DOK7: variants seen among roughly 807,000 people sequenced by gnomAD.
The protein encoded by DOK7 is protein Dok-7.
DOK7 carries 32 observed loss-of-function variants against 30.7 expected under a neutral mutation model. The observed-to-expected ratio is 1.04, with a 90% CI of 0.79 to 1.40. The LOEUF (loss-of-function observed/expected upper bound fraction) is 1.40. Ranked by LOEUF, DOK7 falls within the 40% of genes most tolerant of loss-of-function variation. The pLI is 0.00. For missense variants in DOK7, 1,007 were observed against 699.2 expected (o/e 1.44, Z -4.97); for synonymous variants, 447 against 324.1 (o/e 1.38, Z -4.07).
At chr4:3,485,173 G>A (rs1020043909) in intron 4 of DOK7, among the ~76,000 whole-genome samples, 2 of 152,198 alleles carry the variant, frequency 1.3e-5, no homozygotes, top group Non-Finnish European at 2.9e-5. Context: ...ATGTGGGCGG[G>A]GGCACCCATC....
exon 8 of DOK7, chr4:3,500,707 T>C (rs1232000528): frequency 1.3e-6 from 2 of 1,535,596 alleles, no homozygotes; most frequent in Non-Finnish European, 1.7e-6. Flanking sequence ...GGCGCCTCCC[T>C]CTACGCCCAG....
chr4:3,483,459 A>G (rs568387008), intron 4 of DOK7, among the ~76,000 whole-genome samples: 5 of 152,220 alleles, frequency 3.3e-5, no homozygotes, highest in African/African-American at 9.6e-5. Flanking sequence ...ATCTTCCTCC[A>G]GGGCCACTGA....
chr4:3,485,391 C>A (rs966909191), intron 4 of DOK7, 148 bp from the exon 5 acceptor site: 2 of 1,105,518 alleles, frequency 1.8e-6, no homozygotes, highest in Admixed American at 3.5e-5. Context: ...GGCGGGGTGT[C>A]GGCTCTGGGC....
At chr4:3,480,047 C>G (rs534868040) in intron 4 of DOK7, among the ~76,000 whole-genome samples, 46 of 152,340 alleles carry the variant, frequency 3.0e-4, no homozygotes, top group African/African-American at 1.0e-3. Flanking sequence ...GGCCACTCGC[C>G]CTGGGACAGG....
At chr4:3,489,834 C>A in intron 6 of DOK7, 38 bp downstream of exon 6, 1 of 1,558,122 alleles carries the variant, frequency 6.4e-7, no homozygotes, top group Non-Finnish European at 8.7e-7. Context: ...GGGACCTCGG[C>A]TAAGCCTCCA....
chr4:3,496,387 G>A (rs183647630), downstream of DOK7, among the ~76,000 whole-genome samples: 16 of 152,380 alleles, frequency 1.1e-4, no homozygotes, highest in South Asian at 2.1e-3. Flanking sequence ...CCTCAAGGAC[G>A]GGAAAGGAAA....
intron 4 of DOK7, among the ~76,000 whole-genome samples, chr4:3,481,066 C>T (rs1039941673): frequency 2.6e-5 from 4 of 151,604 alleles, no homozygotes; most frequent in African/African-American, 4.9e-5. Context: ...ATGGGTGTCC[C>T]GAAGGGCTGT....
Position 3,493,024 on chromosome 4 carries a change from C to G in DOK7, c.1038C>G (p.Ser346=). Residue 346 remains serine (S), a synonymous_variant, in exon 7 of 7, where the codon TCC becomes TCG. Transcript: ENST00000340083. ...GCGGCATCGCCACTGGCAGCCACTCCTCTTACTCCAGCAGCCTCTCGTCCT... is the reference window on the plus strand; with the variant it reads ...GCGGCATCGCCACTGGCAGCCACTCGTCTTACTCCAGCAGCCTCTCGTCCT... ...SDSGIATGSH[S]SYSSSLSSYA... 6.4e-7 allele frequency: 1 copy of G among 1,569,868 alleles called. No individual in the cohort carries two copies. The highest frequency in any genetic ancestry group is 8.6e-7 in the Non-Finnish European group (1 of 1,162,624).
chr4:3,494,611 C>T (rs1262882376), downstream of DOK7: 2 of 827,152 alleles, frequency 2.4e-6, no homozygotes, highest in Non-Finnish European at 2.9e-6. Context: ...TGCGAGAGGC[C>T]TCATCTGTCT....
intron 2 of DOK7, among the ~76,000 whole-genome samples, chr4:3,467,449 A>ATCC (rs1726361897): frequency 1.3e-5 from 1 of 78,280 alleles, no homozygotes; most frequent in Non-Finnish European, 2.7e-5. Context: ...TCCAGGGAAG[A>ATCC]CCCCCCCCCC....
intron 4 of DOK7, among the ~76,000 whole-genome samples, chr4:3,478,041 C>T (rs1177474301): frequency 6.6e-6 from 1 of 152,136 alleles, no homozygotes; most frequent in Non-Finnish European, 1.5e-5. Flanking sequence ...TGTAGTTGTC[C>T]TGACACAGGC....
chr4:3,488,782 G>T (rs1425175039), intron 5 of DOK7, among the ~76,000 whole-genome samples: 3 of 151,284 alleles, frequency 2.0e-5, no homozygotes, highest in Non-Finnish European at 4.4e-5. Context: ...GCTCTTGCGG[G>T]TGTGGCTGTG....
chr4:3,490,486 A>G (rs555525433), intron 6 of DOK7, among the ~76,000 whole-genome samples: 32 of 100,678 alleles, frequency 3.2e-4, no homozygotes, highest in African/African-American at 8.6e-4. Flanking sequence ...CTGCTCATTC[A>G]TTCCTTCCTT....
At chr4:3,486,675 GTGTCTTCCTGCC>G (rs1305504101) in intron 5 of DOK7, among the ~76,000 whole-genome samples, 1 of 82,744 alleles carries the variant, frequency 1.2e-5, no homozygotes, top group Non-Finnish European at 2.5e-5. Context: ...ACCCCTGTAG[GTGTCTTCCTGCC>G]TAGTGGATGC....
chr4:3,485,456 C>T (rs1037864546), intron 4 of DOK7, 83 bp from the exon 5 acceptor site: 3 of 1,396,404 alleles, frequency 2.1e-6, no homozygotes, highest in Non-Finnish European at 9.4e-7. Context: ...GTGGAGTTTG[C>T]TGCGGTTTCC....
At chr4:3,485,054 G>A (rs1354340629) in intron 4 of DOK7, among the ~76,000 whole-genome samples, 2 of 152,180 alleles carry the variant, frequency 1.3e-5, no homozygotes, top group African/African-American at 2.4e-5. Context: ...GACGGCTGTG[G>A]GGGCAGGGTC....
At chr4:3,468,698 CTGTG>C (rs1415831245) in intron 2 of DOK7, among the ~76,000 whole-genome samples, 4 of 118,442 alleles carry the variant, frequency 3.4e-5, no homozygotes, top group East Asian at 2.5e-4. Context: ...GCATGTATGT[CTGTG>C]TATGTGTGTG....
At chr4:3,494,747 T>A (rs1728807742), downstream of DOK7, among the ~76,000 whole-genome samples, 1 of 152,124 alleles carries the variant, frequency 6.6e-6, no homozygotes, top group South Asian at 2.1e-4. Context: ...GAGACCACAG[T>A]GGGGTCTGCA....
chr4:3,492,791 G>A lies in DOK7; in HGVS notation c.805G>A (p.Glu269Lys). 6.2e-7 allele frequency: 1 copy of A among 1,612,810 alleles called. No homozygotes were observed. Among genetic ancestry groups the A allele is most frequent in the South Asian group, 1.1e-5 (1 of 91,082 alleles). The change falls in exon 7 of 7, where the codon GAG becomes AAG. Residue 269 changes from glutamate to lysine, a missense_variant. Physicochemically the swap from Glu to Lys is moderately conservative, Grantham distance 56. Transcript: ENST00000340083. ...DDRSLSSSSS[E>K]ASHLDVSASS... is the part of the protein sequence containing the mutation. ...CCGCAGCCTGTCCAGCTCATCCTCA[G>A]AGGCCAGTCACTTGGACGTCAGCGC...
Sources: allele counts gnomAD v4.1 joint callset (sites outside exome capture counted in the v4.1 genomes callset), GRCh38; gene constraint gnomAD v4.1.1; transcripts MANE v1.5; gene names NCBI Gene and HGNC (gene_info 2026-07-23, HGNC 2026-07-21).